The following PTK2 variants were observed in gnomAD, a reference collection of about 807,000 sequenced individuals.
PTK2 encodes focal adhesion kinase 1.
A neutral mutation model predicts 150.1 loss-of-function variants in PTK2; 45 were observed. The ratio of observed to expected loss-of-function variants is 0.30; its 90% CI spans 0.24 to 0.38. PTK2 has a LOEUF of 0.38. Ranked by LOEUF, PTK2 falls within the 10% of genes least tolerant of loss-of-function variation. The pLI is 1.00. For missense variants in PTK2, 919 were observed against 1,307.3 expected (o/e 0.70, Z 4.58); for synonymous variants, 432 against 449.2 (o/e 0.96, Z 0.48).
intron 29 of PTK2, among the ~76,000 whole-genome samples, chr8:140,673,752 G>C (rs1026133096): frequency 3.3e-5 from 5 of 152,170 alleles, no homozygotes; most frequent in African/African-American, 1.2e-4. Flanking sequence ...GGCTGCACCT[G>C]ACTTCTGACT....
intron 4 of PTK2, 186 bp downstream of exon 4, chr8:140,879,284 AC>A: frequency 1.9e-6 from 1 of 522,992 alleles, no homozygotes; most frequent in Non-Finnish European, 3.1e-6. Context: ...AATTAATAAT[AC>A]CCAAAAGCTA....
At chr8:140,975,218 T>TC (rs2154609762) in intron 1 of PTK2, among the ~76,000 whole-genome samples, 1 of 152,342 alleles carries the variant, frequency 6.6e-6, no homozygotes, top group East Asian at 1.9e-4. Flanking sequence ...GGGTGACTTT[T>TC]CCCCTTCTAA....
chr8:140,668,485 A>C (rs2093705240), intron 29 of PTK2, 61 bp from the exon 34 acceptor site: 2 of 1,533,460 alleles, frequency 1.3e-6, no homozygotes, highest in East Asian at 4.5e-5. Context: ...GATCACCACA[A>C]TCAAGCTAGA....
chr8:140,876,919 C>T (rs1210793558), intron 4 of PTK2, among the ~76,000 whole-genome samples: 1 of 151,870 alleles, frequency 6.6e-6, no homozygotes, highest in African/African-American at 2.4e-5. Flanking sequence ...ATATACAGAA[C>T]CATCAGTATT....
At chr8:140,750,471 A>G (rs1318168712) in intron 17 of PTK2, 4 of 152,204 alleles carry the variant, frequency 2.6e-5, no homozygotes, top group African/African-American at 9.7e-5. Context: ...TTTAATTAGG[A>G]ATCATTAGGA....
At chr8:140,734,637 G>C (rs201004496) in intron 22 of PTK2, 1 of 456,282 alleles carries the variant, frequency 2.2e-6, no homozygotes, top group South Asian at 1.6e-5. Context: ...GCACAAAGTA[G>C]TAGCCACAAA....
chr8:140,727,597 G>A (rs940322533), intron 22 of PTK2, among the ~76,000 whole-genome samples: 5 of 151,788 alleles, frequency 3.3e-5, no homozygotes, highest in South Asian at 4.1e-4. Flanking sequence ...AAACACAGTA[G>A]TACAAGCAAT....
intron 16 of PTK2, 58 bp from the exon 20 acceptor site, chr8:140,752,374 T>C: frequency 6.7e-7 from 1 of 1,499,428 alleles, no homozygotes; most frequent in Non-Finnish European, 9.2e-7. Flanking sequence ...CTATATTAAT[T>C]GATTCATGAA....
intron 23 of PTK2, among the ~76,000 whole-genome samples, chr8:140,708,063 G>A (rs2100034778): frequency 6.6e-6 from 1 of 152,196 alleles, no homozygotes; most frequent in African/African-American, 2.4e-5. Context: ...GTCTGAAACA[G>A]AAGTCTGAAA....
chr8:140,729,104 C>G (rs2100047694), intron 22 of PTK2, among the ~76,000 whole-genome samples: 1 of 151,988 alleles, frequency 6.6e-6, no homozygotes, highest in Non-Finnish European at 1.5e-5. Context: ...CTGTCTGCAC[C>G]CATGCTGAGC....
chr8:140,971,455 T>C (rs1319925832), intron 1 of PTK2, among the ~76,000 whole-genome samples: 1 of 152,228 alleles, frequency 6.6e-6, no homozygotes, highest in Non-Finnish European at 1.5e-5. Context: ...AGCAGTTAAA[T>C]GGACAGTGGT....
At chr8:140,741,316 G>C (rs1021030976) in intron 20 of PTK2, among the ~76,000 whole-genome samples, 2 of 149,830 alleles carry the variant, frequency 1.3e-5, no homozygotes, top group African/African-American at 4.9e-5. Context: ...TTAGCCGGGC[G>C]TGGTGGTGGG....
At chr8:140,914,566 T>C (rs965277447) in intron 2 of PTK2, among the ~76,000 whole-genome samples, 2 of 152,056 alleles carry the variant, frequency 1.3e-5, no homozygotes, top group African/African-American at 4.8e-5. Context: ...TTTTTTTGCT[T>C]CTCTCCTTCC....
chr8:140,858,780 G>A (rs1285320042), intron 5 of PTK2, among the ~76,000 whole-genome samples: 1 of 152,072 alleles, frequency 6.6e-6, no homozygotes, highest in African/African-American at 2.4e-5. Context: ...AATTACAGAA[G>A]ACACATTCCA....
intron 8 of PTK2, among the ~76,000 whole-genome samples, chr8:140,819,429 T>A (rs934207688): frequency 4.6e-5 from 7 of 152,148 alleles, no homozygotes; most frequent in African/African-American, 1.7e-4. Context: ...AAAACCACAA[T>A]GCTTATCCAT....
chr8:140,765,523 A>G (rs2100071793), intron 14 of PTK2, among the ~76,000 whole-genome samples: 1 of 152,230 alleles, frequency 6.6e-6, no homozygotes, highest in Non-Finnish European at 1.5e-5. Context: ...CAATAAATCA[A>G]TTCTCTTTAA....
chr8:140,677,813 C>T (rs953537098), intron 27 of PTK2, among the ~76,000 whole-genome samples: 5 of 152,312 alleles, frequency 3.3e-5, no homozygotes, highest in African/African-American at 1.2e-4. Context: ...ACTATCATAT[C>T]ATTCATTTGT....
intron 7 of PTK2, among the ~76,000 whole-genome samples, chr8:140,842,666 T>C (rs1261861563): frequency 1.3e-5 from 2 of 152,060 alleles, no homozygotes; most frequent in Non-Finnish European, 2.9e-5. Flanking sequence ...TCTACTTATA[T>C]GGAGATAGGG....
intron 2 of PTK2, among the ~76,000 whole-genome samples, chr8:140,900,531 C>CACCA (rs1300962391): frequency 6.6e-6 from 1 of 151,892 alleles, no homozygotes; most frequent in Non-Finnish European, 1.5e-5. Context: ...TGACCAGCCT[C>CACCA]ACCAACATGG....
Sources: allele counts gnomAD v4.1 joint callset (sites outside exome capture counted in the v4.1 genomes callset), GRCh38; gene constraint gnomAD v4.1.1; transcripts MANE v1.5; gene names NCBI Gene and HGNC (gene_info 2026-07-23, HGNC 2026-07-21).